SOHLH2: variants seen among roughly 807,000 people sequenced by gnomAD.
The protein encoded by SOHLH2 is spermatogenesis- and oogenesis-specific basic helix-loop-helix-containing protein 2.
In SOHLH2, 22 loss-of-function variants were observed where a neutral mutation model predicts 50.4. The observed-to-expected ratio is 0.44, with a 90% CI of 0.31 to 0.62. The LOEUF is 0.62. Among genes scored for constraint, SOHLH2 ranks in the 20% least tolerant of loss-of-function variants. The probability of loss-of-function intolerance (pLI) is 0.08; values close to 1 mark genes in which losing one functional copy is unlikely to be tolerated. For synonymous variants in SOHLH2, 185 were observed against 187.3 expected, an observed-to-expected ratio of 0.99 and a Z score of 0.10; for missense variants, 412 against 504.4, an observed-to-expected ratio of 0.82 and a Z score of 1.76.
chr13:36,199,823 C>T (rs1393555311), intron 2 of SOHLH2, among the ~76,000 whole-genome samples: 1 of 152,138 alleles, frequency 6.6e-6, no homozygotes, highest in Non-Finnish European at 1.5e-5. Context: ...TGATAGTGAG[C>T]AAATGCAAAG....
intron 6 of SOHLH2, among the ~76,000 whole-genome samples, chr13:36,188,567 A>G (rs1316640174): frequency 1.3e-5 from 2 of 152,190 alleles, no homozygotes; most frequent in South Asian, 2.1e-4. Context: ...GGTCTGGCTC[A>G]ATACAAATAG....
At chr13:36,196,097 AAGATAGAT>A (rs35207535) in intron 2 of SOHLH2, among the ~76,000 whole-genome samples, 7,252 of 145,658 alleles carry the variant, frequency 0.05, 187 homozygotes, top group South Asian at 0.11. Flanking sequence ...GACAGACAGA[AAGATAGAT>A]AGATAGATAG....
intron 2 of SOHLH2, among the ~76,000 whole-genome samples, chr13:36,197,516 A>T (rs925986686): frequency 1.3e-5 from 2 of 152,202 alleles, no homozygotes; most frequent in African/African-American, 2.4e-5. Flanking sequence ...AAAGGGTGTT[A>T]TAAGTCCCTA....
chr13:36,170,039 A>G (rs1024154349), intron 10 of SOHLH2, among the ~76,000 whole-genome samples: 3 of 152,220 alleles, frequency 2.0e-5, no homozygotes, highest in African/African-American at 7.2e-5. Flanking sequence ...TCAGAACATA[A>G]TGGGTGCTCA....
intron 9 of SOHLH2, among the ~76,000 whole-genome samples, 184 bp from the exon 10 acceptor site, chr13:36,170,971 C>T (rs1886948311): frequency 6.6e-6 from 1 of 152,146 alleles, no homozygotes; most frequent in Non-Finnish European, 1.5e-5. Flanking sequence ...TAGTGCAATA[C>T]ACACACTATA....
chr13:36,168,717 G>A lies in SOHLH2; in HGVS notation c.*317C>T. 1 of 383,920 alleles carries A rather than the reference G, an allele frequency of 2.6e-6. No homozygotes were observed. The highest frequency in any genetic ancestry group is 4.3e-5 in the Admixed American group (1 of 23,248). The allele number at this position is 383,920 out of a possible 1,614,324, so 23.8% of individuals were successfully genotyped here. ...TCTACATGGATCTTCCTTATAGCAT[G>A]CTTTTTTCATAAATTGTGGAATATT... On this transcript the variant is annotated 3_prime_UTR_variant, in exon 11 of 11. Coordinates refer to ENST00000379881, the MANE Select transcript of SOHLH2 (RefSeq NM_017826.3).
intron 1 of SOHLH2, among the ~76,000 whole-genome samples, chr13:36,211,463 C>T (rs1473769547): frequency 1.3e-5 from 2 of 152,226 alleles, no homozygotes; most frequent in Non-Finnish European, 2.9e-5. Context: ...GGTCCTTGCC[C>T]TCATGGGGCT....
intron 4 of SOHLH2, among the ~76,000 whole-genome samples, chr13:36,192,984 A>G (rs7988545): frequency 0.022 from 3,407 of 152,270 alleles, 109 homozygotes; most frequent in African/African-American, 0.074. Context: ...CAGGCCGAGA[A>G]AGACCAAAAA....
chr13:36,205,143 ACT>A (rs1254135682), intron 1 of SOHLH2, among the ~76,000 whole-genome samples: 1 of 152,126 alleles, frequency 6.6e-6, no homozygotes, highest in Non-Finnish European at 1.5e-5. Flanking sequence ...ACTTTATAGT[ACT>A]CTCTGTTCAG....
intron 1 of SOHLH2, among the ~76,000 whole-genome samples, chr13:36,205,130 T>C (rs1789675110): frequency 1.3e-5 from 2 of 152,216 alleles, no homozygotes; most frequent in African/African-American, 4.8e-5. Context: ...CTTCAAGTAA[T>C]GCACTTTATA....
In SOHLH2 at chr13:36,173,741, A is replaced by G. The variant is rs757951621; in HGVS notation, c.951T>C (p.Asn317=). The G allele has an allele frequency of 1.9e-6, 3 of 1,613,894 alleles. No homozygotes were observed. The highest frequency in any genetic ancestry group is 4.5e-5 in the East Asian group (2 of 44,884). ...GLQFLTNTCW[N]GCSTPDAESS... ...TCTCTGCATCAGGAGTGGAGCACCCATTCCAGCACGTATTAGTCAGGAATT... is the reference window on the plus strand; with the variant it reads ...TCTCTGCATCAGGAGTGGAGCACCCGTTCCAGCACGTATTAGTCAGGAATT... Residue 317 remains asparagine, a synonymous_variant, in exon 9 of 11, where the codon AAT becomes AAC. Coordinates refer to ENST00000379881, the MANE Select transcript of SOHLH2 (RefSeq NM_017826.3).
intron 6 of SOHLH2, among the ~76,000 whole-genome samples, chr13:36,184,757 C>T (rs1887366684): frequency 6.6e-6 from 1 of 152,146 alleles, no homozygotes; most frequent in African/African-American, 2.4e-5. Flanking sequence ...TGCACCCGCT[C>T]TACTTTTTAA....
In SOHLH2 at chr13:36,190,038, A is replaced by G; in HGVS notation, c.549T>C (p.Asn183=). The change falls in exon 6 of 11, where the codon AAT becomes AAC. Residue 183 remains asparagine, a synonymous_variant. Transcript: ENST00000379881. Reference sequence around the variant, plus strand: ...AAGCATTTAATTCAAGCCCATTGCCATTCCTTAAAGATTCAGAGCTAGAAA... The same window carrying G: ...AAGCATTTAATTCAAGCCCATTGCCGTTCCTTAAAGATTCAGAGCTAGAAA... ...DLFACSESLR[N]GNGLELNASL... The G allele has an allele frequency of 6.2e-7, 1 of 1,605,404 alleles. No individual in the cohort carries two copies.
At chr13:36,193,035 C>T (rs963623306) in intron 4 of SOHLH2, among the ~76,000 whole-genome samples, 2 of 152,052 alleles carry the variant, frequency 1.3e-5, no homozygotes, top group Non-Finnish European at 1.5e-5. Flanking sequence ...ATTTAATTTC[C>T]GTAATTGGAG....
chr13:36,173,921 T>C, intron 8 of SOHLH2, 111 bp from the exon 9 acceptor site: 1 of 1,219,324 alleles, frequency 8.2e-7, no homozygotes, highest in South Asian at 1.4e-5. Context: ...TGATAAAGCC[T>C]CAACTATGGA....
In SOHLH2 at chr13:36,194,719, G is replaced by T. The variant is rs1444870703; in HGVS notation, c.264-852C>A. On this transcript the variant is annotated intron_variant, in intron 2 of 10. Coordinates refer to ENST00000379881, the MANE Select transcript of SOHLH2 (RefSeq NM_017826.3). ...GCCTTGGCATTAGCCAAAATGAAAT[G>T]ATTTGCAGGGAGAATGTGACTGTGA... Among the ~76,000 whole-genome samples, 7 of 152,320 alleles carry T rather than the reference G, an allele frequency of 4.6e-5. No homozygotes were observed. In the East Asian group the frequency reaches 1.2e-3, roughly 25 times the overall value.
chr13:36,200,300 T>G (rs1372905890), intron 2 of SOHLH2, among the ~76,000 whole-genome samples: 1 of 152,182 alleles, frequency 6.6e-6, no homozygotes, highest in East Asian at 1.9e-4. Context: ...ACAACAGGTT[T>G]TAGAAGTGGA....
intron 1 of SOHLH2, 91 bp downstream of exon 1, chr13:36,214,388 A>C: frequency 2.7e-6 from 4 of 1,466,144 alleles, no homozygotes; most frequent in Non-Finnish European, 3.7e-6. Context: ...AGAGCTCCCC[A>C]GGCCGGGCTT....
At chr13:36,198,762 G>A (rs1276829090) in intron 2 of SOHLH2, among the ~76,000 whole-genome samples, 1 of 152,078 alleles carries the variant, frequency 6.6e-6, no homozygotes, top group African/African-American at 2.4e-5. Context: ...ATAGCTAACA[G>A]GCTAAACTTC....
Sources: gnomAD v4.1 joint callset for allele counts (sites outside exome capture counted in the v4.1 genomes callset) on GRCh38, gnomAD v4.1.1 for gene constraint, MANE v1.5 for transcripts, NCBI Gene and HGNC (gene_info 2026-07-23, HGNC 2026-07-21) for gene names.